Variants in KCTD16 observed in about 807,000 individuals in gnomAD.
KCTD16 encodes the protein potassium channel tetramerization domain containing 16.
In KCTD16, 13 loss-of-function variants were observed where a neutral mutation model predicts 33.2. That is an observed-to-expected ratio of 0.39 (90% confidence interval 0.25 to 0.62). The LOEUF (loss-of-function observed/expected upper bound fraction) is 0.62, where lower values mean the gene tolerates loss of function less well. Ranked by LOEUF, KCTD16 falls within the 20% of genes least tolerant of loss-of-function variation. The pLI is 0.50. For synonymous variants in KCTD16, 197 were observed against 195.3 expected, an observed-to-expected ratio of 1.01 and a Z score of -0.07; for missense variants, 441 against 525.1, an observed-to-expected ratio of 0.84 and a Z score of 1.57.
chr5:144,255,638 G>A (rs947017634), intron 3 of KCTD16, among the ~76,000 whole-genome samples: 2 of 152,114 alleles, frequency 1.3e-5, no homozygotes, highest in Non-Finnish European at 2.9e-5. Flanking sequence ...GTCTATTCAA[G>A]TGCTTAGCCC....
At position 144,206,708 on chromosome 5, in the gene KCTD16, A is replaced by C; in HGVS notation, c.-7A>C. On this transcript the variant is annotated 5_prime_UTR_variant, in exon 3 of 4. Coordinates refer to ENST00000512467, the MANE Select transcript of KCTD16 (RefSeq NM_020768.4). The stretch of plus-strand genomic sequence containing the variant: ...AATCAAAATAGCAGCAGCAGAAGAA[A>C]GGGACAATGGCTCTGAGTGGAAACT... 1.2e-6 allele frequency: 2 copies of C among 1,603,762 alleles called. No individual in the cohort carries two copies. The highest frequency in any genetic ancestry group is 1.7e-6 in the Non-Finnish European group (2 of 1,173,570).
intron 3 of KCTD16, among the ~76,000 whole-genome samples, chr5:144,392,634 T>G (rs1752476112): frequency 6.6e-6 from 1 of 152,174 alleles, no homozygotes; most frequent in African/African-American, 2.4e-5. Flanking sequence ...TCTCTAGCGC[T>G]CCTTTTTCTG....
At chr5:144,236,735 G>A (rs984522106) in intron 3 of KCTD16, among the ~76,000 whole-genome samples, 3 of 152,094 alleles carry the variant, frequency 2.0e-5, no homozygotes, top group Non-Finnish European at 2.9e-5. Context: ...ATTTAGCCCT[G>A]GAGCTCTGGG....
intron 2 of KCTD16, among the ~76,000 whole-genome samples, chr5:144,179,989 TC>T (rs1233787240): frequency 6.6e-6 from 1 of 152,226 alleles, no homozygotes; most frequent in Non-Finnish European, 1.5e-5. Context: ...CTGGCATCAG[TC>T]CTCTGCCTGG....
chr5:144,451,347 C>A (rs1361847350), intron 3 of KCTD16, among the ~76,000 whole-genome samples: 1 of 152,084 alleles, frequency 6.6e-6, no homozygotes, highest in Non-Finnish European at 1.5e-5. Flanking sequence ...AGAAGAGATA[C>A]CACAGAAGAG....
intron 3 of KCTD16, among the ~76,000 whole-genome samples, chr5:144,388,016 T>C (rs1327546699): frequency 6.6e-6 from 1 of 151,184 alleles, no homozygotes; most frequent in African/African-American, 2.4e-5. Flanking sequence ...TAGAACCAAT[T>C]ATTTATTATT....
At chr5:144,403,569 G>A (rs1019073891) in intron 3 of KCTD16, among the ~76,000 whole-genome samples, 2 of 152,110 alleles carry the variant, frequency 1.3e-5, no homozygotes, top group African/African-American at 2.4e-5. Context: ...AGGCTGCCAA[G>A]AAGGAACCAC....
intron 3 of KCTD16, among the ~76,000 whole-genome samples, chr5:144,240,007 C>G (rs527711035): frequency 6.6e-6 from 1 of 152,206 alleles, no homozygotes; most frequent in South Asian, 2.1e-4. Flanking sequence ...AGGCTAAGAT[C>G]TTTACCTGGA....
chr5:144,398,209 G>T (rs1408567080), intron 3 of KCTD16, among the ~76,000 whole-genome samples: 1 of 152,132 alleles, frequency 6.6e-6, no homozygotes, highest in Non-Finnish European at 1.5e-5. Flanking sequence ...TGATTTTCTA[G>T]TAGTGACTAG....
At chr5:144,316,347 G>A (rs1044470578) in intron 3 of KCTD16, among the ~76,000 whole-genome samples, 4 of 152,112 alleles carry the variant, frequency 2.6e-5, no homozygotes, top group African/African-American at 9.7e-5. Flanking sequence ...ACTAGGTAAC[G>A]TGGAATTATC....
intron 2 of KCTD16, among the ~76,000 whole-genome samples, chr5:144,199,370 G>T (rs534588090): frequency 4.7e-4 from 72 of 152,294 alleles, no homozygotes; most frequent in Non-Finnish European, 8.4e-4. Context: ...ATACAATTTA[G>T]CTAACAAACA....
At chr5:144,426,717 G>C (rs1561604116) in intron 3 of KCTD16, among the ~76,000 whole-genome samples, 1 of 152,052 alleles carries the variant, frequency 6.6e-6, no homozygotes, top group Non-Finnish European at 1.5e-5. Flanking sequence ...ATACCATCAA[G>C]GGAGGTATCA....
rs145360168 is a variant in KCTD16, at chr5:144,321,556, G to T, written c.832+114010G>T. On this transcript the variant is annotated intron_variant, in intron 3 of 3. Transcript: ENST00000512467. ...CTGTTTAAAACCGTCTAGGTTAGCT[G>T]CAATGTTTTAATTCACTTGACATGC... Among the ~76,000 whole-genome samples, 80 of 152,258 alleles carry T rather than the reference G, an allele frequency of 5.3e-4. 1 individual carries two copies. Among genetic ancestry groups the T allele is most frequent in the Middle Eastern group, 3.4e-3 (1 of 294 alleles).
At chr5:144,320,037 C>T (rs1654327389) in intron 3 of KCTD16, among the ~76,000 whole-genome samples, 1 of 152,078 alleles carries the variant, frequency 6.6e-6, no homozygotes, top group South Asian at 2.1e-4. Context: ...TATGTCTGTT[C>T]AGTACCAGGT....
rs1580998128 is a variant in KCTD16 at position 144,483,180 on chromosome 5, T to A, written c.*9066T>A. 6.8e-6 allele frequency: 1 copy of A among 147,918 alleles called. No individual in the cohort carries two copies. Among genetic ancestry groups the A allele is most frequent in the Non-Finnish European group, 1.5e-5 (1 of 66,932 alleles). The allele number at this position is 147,918 out of a possible 1,614,324, so 9.2% of individuals were successfully genotyped here. ...CCAAACCAGAAAAAACCCAAAACAC[T>A]ACCAAATGAACAGTGATAATGTTTA... On this transcript the variant is annotated 3_prime_UTR_variant, in exon 4 of 4. Transcript: ENST00000512467.
At chr5:144,411,826 C>T (rs1352496930) in intron 3 of KCTD16, among the ~76,000 whole-genome samples, 1 of 151,952 alleles carries the variant, frequency 6.6e-6, no homozygotes, top group Non-Finnish European at 1.5e-5. Flanking sequence ...GGAGCTCAAG[C>T]AACTCAATAG....
At position 144,206,994 on chromosome 5, in the gene KCTD16, G is replaced by A. The variant is rs780756195; in HGVS notation, c.280G>A (p.Val94Met). Residue 94 changes from valine to methionine, a missense_variant, in exon 3 of 4, where the codon GTG (valine) becomes ATG (methionine). Coordinates refer to ENST00000512467, the MANE Select transcript of KCTD16 (RefSeq NM_020768.4). ...YILDYLRDRQVVLPDHFPEKG... is the reference protein window; with the variant it reads ...YILDYLRDRQMVLPDHFPEKG... ...TCTGGACTATCTCAGGGACAGGCAGGTGGTCCTGCCTGATCACTTTCCAGA... is the reference window on the plus strand; with the variant it reads ...TCTGGACTATCTCAGGGACAGGCAGATGGTCCTGCCTGATCACTTTCCAGA... The A allele has an allele frequency of 1.9e-6, 3 of 1,614,090 alleles. No homozygotes were observed. In the East Asian group the frequency reaches 6.7e-5, roughly 36 times the overall value.
At chr5:144,190,611 C>T (rs1752821678) in intron 2 of KCTD16, among the ~76,000 whole-genome samples, 2 of 152,118 alleles carry the variant, frequency 1.3e-5, no homozygotes, top group African/African-American at 4.8e-5. Context: ...CTGGAAAAAG[C>T]CTTTTTTAGC....
In KCTD16 at chr5:144,203,300, G is replaced by A. The variant is rs75483625; in HGVS notation, c.-326-3089G>A. Among the ~76,000 whole-genome samples, 287 of 151,840 alleles carry A rather than the reference G, an allele frequency of 1.9e-3. 1 individual carries two copies. The highest frequency in any genetic ancestry group is 6.6e-3 in the African/African-American group (275 of 41,428). ...TTCTTGGTGTGCTTTTTAAAAACAT[G>A]TTTAGTAATCTTGAAATTTGTTGTT... On this transcript the variant is annotated intron_variant, in intron 2 of 3. Coordinates refer to ENST00000512467, the MANE Select transcript of KCTD16 (RefSeq NM_020768.4).
Sources: allele counts gnomAD v4.1 joint callset (sites outside exome capture counted in the v4.1 genomes callset), GRCh38; gene constraint gnomAD v4.1.1; transcripts MANE v1.5; gene names NCBI Gene and HGNC (gene_info 2026-07-23, HGNC 2026-07-21).